Variants in ZNRF1 observed in about 807,000 individuals in gnomAD.
The protein encoded by ZNRF1 is E3 ubiquitin-protein ligase ZNRF1.
Under a neutral mutation model 18.4 loss-of-function variants are expected in ZNRF1, and 3 were observed. The ratio of observed to expected loss-of-function variants is 0.16; its 90% CI spans 0.07 to 0.42. ZNRF1 has a LOEUF of 0.42. Among genes scored for constraint, ZNRF1 ranks in the 10% least tolerant of loss-of-function variants. ZNRF1 has a pLI of 0.99. For missense variants in ZNRF1, 310 were observed against 329.8 expected (o/e 0.94, Z 0.47); for synonymous variants, 157 against 144.2 (o/e 1.09, Z -0.64).
chr16:75,047,707 T>A (rs1597878865), intron 1 of ZNRF1, among the ~76,000 whole-genome samples: 2 of 152,212 alleles, frequency 1.3e-5, no homozygotes, highest in Admixed American at 6.5e-5. Context: ...CACAGCTGTT[T>A]CCTCCTTTTA....
rs952541030 is a variant in ZNRF1 at position 75,069,522 on chromosome 16, T to C, written c.425-24050T>C. On this transcript the variant is annotated intron_variant, in intron 1 of 4. Transcript: ENST00000335325. ...TCCACCTCCTGGGTTCAAGCAATTC[T>C]TCTGCCTTAGCCTCTCGAGTAGCTG... 3.9e-5 allele frequency among the ~76,000 whole-genome samples: 6 copies of C among 152,240 alleles called. No individual in the cohort carries two copies. The South Asian group carries it at 8.3e-4, about 21-fold the overall frequency.
rs138445787 is a variant in ZNRF1 at position 75,064,214 on chromosome 16, T to C, written c.425-29358T>C. On this transcript the variant is annotated intron_variant, in intron 1 of 4. Transcript: ENST00000335325. ...TACTTGAGAGGCTGAGTTGGGAGGA[T>C]CAGTTGAGCCCGGGAGGTGGAGGTT... 7.4e-3 allele frequency among the ~76,000 whole-genome samples: 1,127 copies of C among 151,898 alleles called. 12 individuals are homozygous for C. Among genetic ancestry groups the C allele is most frequent in the Non-Finnish European group, 9.6e-3 (650 of 67,970 alleles).
intron 1 of ZNRF1, among the ~76,000 whole-genome samples, chr16:75,079,626 T>C (rs1690571983): frequency 1.3e-5 from 2 of 152,242 alleles, no homozygotes; most frequent in African/African-American, 4.8e-5. Flanking sequence ...CTCACCCTTA[T>C]CCTTCCCTTG....
chr16:75,095,545 G>A (rs966937781), intron 2 of ZNRF1: 19 of 1,464,750 alleles, frequency 1.3e-5, no homozygotes, highest in African/African-American at 9.9e-5. Context: ...GAAGTCCTCC[G>A]TTTGTCCTGT....
chr16:75,053,480 T>G (rs1490376311), intron 1 of ZNRF1, among the ~76,000 whole-genome samples: 2 of 149,446 alleles, frequency 1.3e-5, no homozygotes, highest in African/African-American at 5.0e-5. Context: ...TCCCAGCTAC[T>G]CAAGAGACTG....
At chr16:75,060,387 G>A (rs1425502485) in intron 1 of ZNRF1, among the ~76,000 whole-genome samples, 1 of 151,266 alleles carries the variant, frequency 6.6e-6, no homozygotes, top group African/African-American at 2.4e-5. Context: ...CACCTTGCCT[G>A]TGGCAGGAGC....
intron 1 of ZNRF1, among the ~76,000 whole-genome samples, chr16:75,009,506 C>T (rs2034967358): frequency 6.6e-6 from 1 of 152,164 alleles, no homozygotes; most frequent in Non-Finnish European, 1.5e-5. Flanking sequence ...CTGTCTACCA[C>T]GTTTTACTTT....
intron 2 of ZNRF1, among the ~76,000 whole-genome samples, chr16:75,094,322 C>T (rs541537642): frequency 1.6e-4 from 24 of 152,220 alleles, no homozygotes; most frequent in African/African-American, 5.1e-4. Flanking sequence ...CAGTGAATAC[C>T]GCAGAGGGTA....
chr16:75,094,223 G>A (rs578221179), intron 2 of ZNRF1, among the ~76,000 whole-genome samples: 6 of 152,310 alleles, frequency 3.9e-5, no homozygotes, highest in South Asian at 2.1e-4. Flanking sequence ...ACATAGAGAC[G>A]CTCTGGGGAT....
intron 1 of ZNRF1, among the ~76,000 whole-genome samples, chr16:75,080,775 G>A (rs975757326): frequency 6.6e-6 from 1 of 152,176 alleles, no homozygotes; most frequent in Non-Finnish European, 1.5e-5. Context: ...TTGAGGGGCT[G>A]AGGTAGGAGG....
chr16:75,045,432 A>G (rs2035502530), intron 1 of ZNRF1, among the ~76,000 whole-genome samples: 3 of 152,184 alleles, frequency 2.0e-5, no homozygotes, highest in South Asian at 2.1e-4. Flanking sequence ...GAAGATTACT[A>G]CTAATAAGTA....
intron 2 of ZNRF1, among the ~76,000 whole-genome samples, chr16:75,099,652 A>T (rs1373672230): frequency 6.6e-6 from 1 of 152,302 alleles, no homozygotes; most frequent in East Asian, 1.9e-4. Flanking sequence ...CTTTGTTCTT[A>T]TCCGGCAGCA....
At chr16:75,012,890 G>A (rs576330154) in intron 1 of ZNRF1, among the ~76,000 whole-genome samples, 3 of 152,198 alleles carry the variant, frequency 2.0e-5, no homozygotes, top group South Asian at 2.1e-4. Context: ...GCCTGTTACC[G>A]GTTCCAGGTC....
chr16:75,072,474 T>C (rs2035881135), intron 1 of ZNRF1, among the ~76,000 whole-genome samples: 1 of 151,976 alleles, frequency 6.6e-6, no homozygotes, highest in Non-Finnish European at 1.5e-5. Context: ...CTCATCAGAG[T>C]TTAAGCTTCA....
chr16:75,035,775 G>A (rs940975371), intron 1 of ZNRF1, among the ~76,000 whole-genome samples: 2 of 152,184 alleles, frequency 1.3e-5, no homozygotes, highest in African/African-American at 4.8e-5. Flanking sequence ...CTTGGGAGGG[G>A]CCCCATGCAC....
intron 1 of ZNRF1, among the ~76,000 whole-genome samples, chr16:75,048,403 G>A (rs926698945): frequency 3.9e-4 from 60 of 152,070 alleles, no homozygotes; most frequent in African/African-American, 1.4e-3. Flanking sequence ...ATAAATTTGG[G>A]GAGGGACACT....
chr16:75,068,768 A>G (rs2035834217), intron 1 of ZNRF1, among the ~76,000 whole-genome samples: 2 of 152,082 alleles, frequency 1.3e-5, no homozygotes, highest in South Asian at 4.1e-4. Context: ...TCTAAGGCAC[A>G]AAGTGAAATC....
rs2034815952 is a variant in ZNRF1, at chr16:74,999,875, C to G, written c.204C>G (p.Pro68=). Residue 68 remains proline (P), a synonymous_variant, in exon 1 of 5, where the codon CCC becomes CCG. Coordinates refer to ENST00000335325, the MANE Select transcript of ZNRF1 (RefSeq NM_032268.5). ...ACCCCAGCACGGCCGGGGGGGTGCC[C>G]TTTGGCCTCTACACCCCCGCCTCCC... ...GMDPSTAGGV[P]FGLYTPASRG... 6.5e-7 allele frequency: 1 copy of G among 1,533,476 alleles called. No individual in the cohort carries two copies. Among genetic ancestry groups the G allele is most frequent in the African/African-American group, 1.4e-5 (1 of 73,058 alleles). The allele number at this position is 1,533,476 out of a possible 1,614,324, so 95.0% of individuals were successfully genotyped here.
At chr16:75,044,552 A>T (rs1239551567) in intron 1 of ZNRF1, among the ~76,000 whole-genome samples, 1 of 150,368 alleles carries the variant, frequency 6.7e-6, no homozygotes. Flanking sequence ...TTAAATAGAG[A>T]TGGGGGTCTT....
Sources: gnomAD v4.1 joint callset for allele counts (sites outside exome capture counted in the v4.1 genomes callset) on GRCh38, gnomAD v4.1.1 for gene constraint, MANE v1.5 for transcripts, NCBI Gene and HGNC (gene_info 2026-07-23, HGNC 2026-07-21) for gene names.